Variants in SLC5A1 observed in about 807,000 individuals in gnomAD.
SLC5A1 encodes the protein solute carrier family 5 member 1, also known as sodium/glucose cotransporter 1.
Under a neutral mutation model 73.5 loss-of-function variants are expected in SLC5A1, and 42 were observed. The observed-to-expected ratio is 0.57, with a 90% confidence interval of 0.45 to 0.74. SLC5A1 has a LOEUF of 0.74. SLC5A1 is among the 30% of genes least tolerant of loss of function. The probability of loss-of-function intolerance (pLI) is 0.00; values close to 1 mark genes in which losing one functional copy is unlikely to be tolerated. For missense variants in SLC5A1, 634 were observed against 855.4 expected, an observed-to-expected ratio of 0.74 and a Z score of 3.23; for synonymous variants, 300 against 317.4, an observed-to-expected ratio of 0.95 and a Z score of 0.58.
intron 2 of SLC5A1, among the ~76,000 whole-genome samples, chr22:32,064,936 C>T (rs974720258): frequency 1.3e-5 from 2 of 152,172 alleles, no homozygotes; most frequent in Non-Finnish European, 2.9e-5. Flanking sequence ...TCCCATCTCA[C>T]TTAGAATAAA....
At chr22:32,050,572 G>T (rs1006933578) in intron 2 of SLC5A1, among the ~76,000 whole-genome samples, 5 of 152,230 alleles carry the variant, frequency 3.3e-5, no homozygotes, top group Admixed American at 3.3e-4. Flanking sequence ...GGAGAGACTG[G>T]TTTTGGGCAT....
chr22:32,052,493 G>T (rs1239803666), intron 2 of SLC5A1, among the ~76,000 whole-genome samples: 1 of 152,184 alleles, frequency 6.6e-6, no homozygotes, highest in Non-Finnish European at 1.5e-5. Flanking sequence ...TGGAGAGGAA[G>T]AGAGGGAACC....
At chr22:32,065,262 T>A (rs2093970838) in intron 2 of SLC5A1, among the ~76,000 whole-genome samples, 1 of 152,138 alleles carries the variant, frequency 6.6e-6, no homozygotes, top group African/African-American at 2.4e-5. Flanking sequence ...GACTCTATTT[T>A]AAAATGTTAA....
At chr22:32,046,045 A>G (rs2093936751) in intron 1 of SLC5A1, among the ~76,000 whole-genome samples, 1 of 152,224 alleles carries the variant, frequency 6.6e-6, no homozygotes, top group Non-Finnish European at 1.5e-5. Flanking sequence ...TCTTTAAAGA[A>G]AAAAAATTTA....
intron 3 of SLC5A1, 75 bp from the exon 4 acceptor site, chr22:32,067,892 C>A: frequency 6.7e-7 from 1 of 1,487,200 alleles, no homozygotes; most frequent in Non-Finnish European, 9.4e-7. Flanking sequence ...TCTGCAGCAG[C>A]TGAGGGGCCC....
chr22:32,100,477 T>C (rs1246004948), intron 12 of SLC5A1, among the ~76,000 whole-genome samples: 1 of 152,222 alleles, frequency 6.6e-6, no homozygotes, highest in Non-Finnish European at 1.5e-5. Context: ...TTGTCATATA[T>C]AGCTTATAAT....
At chr22:32,080,855 G>A (rs1236824423) in intron 5 of SLC5A1, among the ~76,000 whole-genome samples, 1 of 152,132 alleles carries the variant, frequency 6.6e-6, no homozygotes, top group Non-Finnish European at 1.5e-5. Flanking sequence ...TTAGCTGGGT[G>A]TGGTGGTGCA....
In SLC5A1 at chr22:32,091,985, GTAT is replaced by G. The variant is rs373901024; in HGVS notation, c.1280+225_1280+227del. 5.7e-3 allele frequency among the ~76,000 whole-genome samples: 865 copies of G among 151,862 alleles called. 3 individuals carry two copies. Among genetic ancestry groups the G allele is most frequent in the African/African-American group, 0.015 (627 of 41,424 alleles). On this transcript the variant is annotated intron_variant, in intron 11 of 14. Coordinates refer to ENST00000266088, the MANE Select transcript of SLC5A1 (RefSeq NM_000343.4). ...TCCATTCATGTTTGGGAAACAGGTC[GTAT>G]TTGGTTACATGAGTAAGCTCTTTAG...
chr22:32,077,953 C>T (rs1156631366), intron 5 of SLC5A1, among the ~76,000 whole-genome samples: 3 of 152,144 alleles, frequency 2.0e-5, no homozygotes, highest in Non-Finnish European at 2.9e-5. Context: ...GTGGGAGATG[C>T]ACACTTTAAC....
At chr22:32,052,722 T>G (rs756759073) in intron 2 of SLC5A1, among the ~76,000 whole-genome samples, 5 of 149,230 alleles carry the variant, frequency 3.4e-5, no homozygotes, top group Non-Finnish European at 7.5e-5. Flanking sequence ...TTTTCTTAAT[T>G]TTTTTTTTTT....
chr22:32,066,880 C>A, intron 2 of SLC5A1, 55 bp from the exon 3 acceptor site: 1 of 1,249,552 alleles, frequency 8.0e-7, no homozygotes, highest in South Asian at 1.2e-5. Context: ...TTGACCCACT[C>A]TGAGTGTCCT....
At chr22:32,084,059 G>C (rs2094004133) in intron 7 of SLC5A1, among the ~76,000 whole-genome samples, 1 of 152,228 alleles carries the variant, frequency 6.6e-6, no homozygotes, top group Non-Finnish European at 1.5e-5. Flanking sequence ...CTAGGCCTGA[G>C]TCCAAGGCTC....
chr22:32,053,952 A>G (rs1334245533), intron 2 of SLC5A1, among the ~76,000 whole-genome samples: 2 of 152,312 alleles, frequency 1.3e-5, no homozygotes, highest in Non-Finnish European at 1.5e-5. Context: ...AGGCAGGCAG[A>G]TCGCCTGGAT....
At chr22:32,099,482 T>C (rs2094032785) in intron 12 of SLC5A1, 131 bp downstream of exon 12, 1 of 952,716 alleles carries the variant, frequency 1.0e-6, no homozygotes, top group Non-Finnish European at 1.7e-6. Context: ...CTGCTGAGGG[T>C]TTGTAGGGAA....
rs1305467960 is a variant in SLC5A1 at position 32,090,110 on chromosome 22, AAAAAAAAC to A, written c.1130-1493_1130-1486del. ...TACAGCCTTGTCTTTCAAAAAAAAA[AAAAAAAAC>A]AAAAAAACTTAATTGAGCTTAAATT... On this transcript the variant is annotated intron_variant, in intron 10 of 14. Coordinates refer to ENST00000266088, the MANE Select transcript of SLC5A1 (RefSeq NM_000343.4). 3.9e-5 allele frequency among the ~76,000 whole-genome samples: 6 copies of A among 152,064 alleles called. No individual in the cohort carries two copies. In the East Asian group the frequency reaches 1.2e-3, roughly 29 times the overall value.
intron 5 of SLC5A1, among the ~76,000 whole-genome samples, chr22:32,081,141 A>G (rs922752936): frequency 2.0e-5 from 3 of 152,168 alleles, no homozygotes; most frequent in African/African-American, 7.2e-5. Flanking sequence ...CCAGCCAGGT[A>G]GAAGGTTCAT....
At chr22:32,067,725 A>T (rs1385231295) in intron 3 of SLC5A1, among the ~76,000 whole-genome samples, 2 of 152,074 alleles carry the variant, frequency 1.3e-5, no homozygotes, top group Non-Finnish European at 1.5e-5. Context: ...AGGAGAACCC[A>T]GTGCTCTAGC....
At chr22:32,069,137 A>G (rs2093978827) in intron 5 of SLC5A1, among the ~76,000 whole-genome samples, 1 of 152,242 alleles carries the variant, frequency 6.6e-6, no homozygotes, top group Non-Finnish European at 1.5e-5. Flanking sequence ...TGTCCATAAC[A>G]TGGATGAACC....
chr22:32,085,048 G>A lies in SLC5A1; in HGVS notation c.1021+13G>A, dbSNP rs1603129649. The A allele has an allele frequency of 6.2e-7, 1 of 1,614,082 alleles. No homozygotes were observed. Among genetic ancestry groups the A allele is most frequent in the East Asian group, 2.2e-5 (1 of 44,880 alleles). On this transcript the variant is annotated intron_variant, in intron 9 of 14. Transcript: ENST00000266088. ...ATTCTGTACACAGGTAATAACTTCTGCTGGACCCACAAACCACTCTCCCTT... is the reference window on the plus strand; with the variant it reads ...ATTCTGTACACAGGTAATAACTTCTACTGGACCCACAAACCACTCTCCCTT...
Sources: allele counts gnomAD v4.1 joint callset (sites outside exome capture counted in the v4.1 genomes callset), GRCh38; gene constraint gnomAD v4.1.1; transcripts MANE v1.5; gene names NCBI Gene and HGNC (gene_info 2026-07-23, HGNC 2026-07-21).